Variants in ZNF324B observed in about 807,000 individuals in gnomAD.
ZNF324B encodes the protein zinc finger protein 324B.
ZNF324B carries 7 observed loss-of-function variants against 10.6 expected under a neutral mutation model. The observed-to-expected ratio is 0.66, with a 90% confidence interval of 0.38 to 1.24. ZNF324B has a LOEUF of 1.24. Ranked by LOEUF, ZNF324B falls within the 50% of genes most tolerant of loss-of-function variation. ZNF324B has a pLI of 0.02. For synonymous variants in ZNF324B, 316 were observed against 321.0 expected (o/e 0.98, Z 0.17); for missense variants, 640 against 764.7 (o/e 0.84, Z 1.92).
chr19:58,434,846 C>T, the ZNF324B span: 5 of 1,614,034 alleles, frequency 3.1e-6, no homozygotes, highest in East Asian at 1.1e-4. Flanking sequence ...CCCAGGATGA[C>T]CTTCCCACCT....
At chr19:58,422,919 G>T in the ZNF324B span, among the ~76,000 whole-genome samples, 2 of 152,210 alleles carry the variant, frequency 1.3e-5, no homozygotes, top group African/African-American at 4.8e-5. Flanking sequence ...GCCCAGGCTG[G>T]AGTGCAATGG....
chr19:58,444,057 A>G, the ZNF324B span: 1 of 152,228 alleles, frequency 6.6e-6, no homozygotes, highest in African/African-American at 2.4e-5. Context: ...TGAGTGGAAG[A>G]CAGCTGTGGC....
At chr19:58,430,933 G>C in the ZNF324B span, 2 of 152,284 alleles carry the variant, frequency 1.3e-5, no homozygotes, top group African/African-American at 4.8e-5. Flanking sequence ...TGTGCCATGA[G>C]TACTCTGGTG....
At chr19:58,450,010 A>C (rs1795926228), upstream of ZNF324B, among the ~76,000 whole-genome samples, 1 of 152,206 alleles carries the variant, frequency 6.6e-6, no homozygotes, top group South Asian at 2.1e-4. Flanking sequence ...TGTAGCTTTC[A>C]TAATTCCCAC....
the ZNF324B span, chr19:58,434,113 G>T: frequency 6.2e-7 from 1 of 1,614,020 alleles, no homozygotes. Flanking sequence ...AGCAAGGTTG[G>T]AGTTATTGTT....
At chr19:58,451,161 A>T (rs773145006), upstream of ZNF324B, among the ~76,000 whole-genome samples, 13 of 152,224 alleles carry the variant, frequency 8.5e-5, no homozygotes, top group Non-Finnish European at 1.6e-4. Flanking sequence ...ACCCTCGCCC[A>T]GGATGCACAG....
chr19:58,431,420 G>GGGT, the ZNF324B span, among the ~76,000 whole-genome samples: 2 of 152,204 alleles, frequency 1.3e-5, no homozygotes, highest in African/African-American at 2.4e-5. Context: ...TCAGTGATGT[G>GGGT]AGCCCAGGCC....
At chr19:58,436,435 G>C in the ZNF324B span, 1 of 156,872 alleles carries the variant, frequency 6.4e-6, no homozygotes, top group Admixed American at 6.2e-5. Context: ...GGGAGGCTGA[G>C]GTGGGTGGAT....
At chr19:58,434,593 A>C in the ZNF324B span, 1 of 1,614,084 alleles carries the variant, frequency 6.2e-7, no homozygotes, top group Non-Finnish European at 8.5e-7. Context: ...CCCAGTGTGA[A>C]ACTTTTTATT....
intron 1 of ZNF324B, chr19:58,452,849 G>C (rs2052874080): frequency 6.5e-6 from 1 of 154,142 alleles, no homozygotes; most frequent in Non-Finnish European, 1.4e-5. Context: ...CTGAATAGGA[G>C]AGGGTGGCAG....
the ZNF324B span, chr19:58,418,752 C>G: frequency 6.6e-6 from 1 of 152,124 alleles, no homozygotes; most frequent in Admixed American, 6.6e-5. Flanking sequence ...TAGGATTGTA[C>G]TTGTGTGGCA....
At chr19:58,422,832 A>C in the ZNF324B span, among the ~76,000 whole-genome samples, 1 of 152,168 alleles carries the variant, frequency 6.6e-6, no homozygotes, top group African/African-American at 2.4e-5. Flanking sequence ...AAATGGAAAA[A>C]CATATGCTCA....
the ZNF324B span, chr19:58,437,721 C>T: frequency 1.0e-6 from 1 of 985,284 alleles, no homozygotes; most frequent in Non-Finnish European, 1.2e-6. Flanking sequence ...ATGCACATGG[C>T]ATACCTGACA....
the ZNF324B span, chr19:58,435,255 G>T: frequency 1.2e-5 from 19 of 1,569,924 alleles, no homozygotes; most frequent in South Asian, 2.2e-4. Flanking sequence ...TCCACTTGGT[G>T]GGAATGGTTG....
At chr19:58,434,951 T>G in the ZNF324B span, 3 of 1,614,218 alleles carry the variant, frequency 1.9e-6, no homozygotes, top group Non-Finnish European at 2.5e-6. Flanking sequence ...TTCCCTCCAC[T>G]GTGCTCCTTC....
chr19:58,426,145 A>G, the ZNF324B span, among the ~76,000 whole-genome samples: 5 of 152,256 alleles, frequency 3.3e-5, no homozygotes, highest in East Asian at 9.6e-4. Flanking sequence ...TCCCCATCAA[A>G]CAATCGAAGC....
chr19:58,422,261 C>T, the ZNF324B span, among the ~76,000 whole-genome samples: 2 of 152,142 alleles, frequency 1.3e-5, no homozygotes, highest in Non-Finnish European at 2.9e-5. Context: ...GTAGAAGGAA[C>T]ATACCTCAAC....
At chr19:58,424,156 G>A in the ZNF324B span, among the ~76,000 whole-genome samples, 1 of 152,116 alleles carries the variant, frequency 6.6e-6, no homozygotes, top group East Asian at 1.9e-4. Flanking sequence ...GGCTAAGGCA[G>A]GAGAATAGCT....
chr19:58,438,926 A>G, the ZNF324B span, among the ~76,000 whole-genome samples: 2 of 151,650 alleles, frequency 1.3e-5, no homozygotes, highest in Admixed American at 1.3e-4. Flanking sequence ...GCACACTACC[A>G]TGTCCTGGCT....
Sources: allele counts gnomAD v4.1 joint callset (sites outside exome capture counted in the v4.1 genomes callset), GRCh38; gene constraint gnomAD v4.1.1; transcripts MANE v1.5; gene names NCBI Gene and HGNC (gene_info 2026-07-23, HGNC 2026-07-21).